Variants in DNAH7 observed in about 807,000 individuals in gnomAD.
DNAH7 encodes the protein axonemal beta dynein heavy chain 7.
In DNAH7, 397 loss-of-function variants were observed where a neutral mutation model predicts 444.6. The ratio of observed to expected loss-of-function variants is 0.89; its 90% CI spans 0.82 to 0.97. The LOEUF (loss-of-function observed/expected upper bound fraction) is 0.97, where lower values mean the gene tolerates loss of function less well. Ranked by LOEUF, DNAH7 falls within the 50% of genes least tolerant of loss-of-function variation. The pLI is 0.00. For synonymous variants in DNAH7, 1,636 were observed against 1,624.4 expected (o/e 1.01, Z -0.17); for missense variants, 4,902 against 4,800.8 (o/e 1.02, Z -0.62).
At position 196,019,268 on chromosome 2, in the gene DNAH7, C is replaced by A; in HGVS notation, c.771G>T (p.Arg257Ser). The A allele has an allele frequency of 6.7e-7, 1 of 1,498,488 alleles. No individual in the cohort carries two copies. Among genetic ancestry groups the A allele is most frequent in the Non-Finnish European group, 9.0e-7 (1 of 1,108,682 alleles). 92.8% of individuals were successfully genotyped at this position (1,498,488 alleles called of 1,614,324 possible). A position where few individuals can be genotyped will look rare whatever the true frequency, so the allele number is the denominator to read the frequency against. The change falls in exon 9 of 65, where the codon AGG (arginine) becomes AGT (serine). Residue 257 changes from arginine to serine, a missense_variant. Arg to Ser is a moderately radical substitution (Grantham distance 110). Transcript: ENST00000312428. ...AEMEILPKPW[R>S]KSFLAASSYI... ...AACTGCTTGCAGCTAAAAAAGATTT[C>A]CTCCAAGGTTTTGGCAGAATTTCCA...
rs188351942 is a variant in DNAH7 at position 195,934,844 on chromosome 2, C to A, written c.3273-55G>T. The A allele has an allele frequency of 5.7e-6, 9 of 1,571,514 alleles. No individual in the cohort carries two copies. The East Asian group carries it at 2.0e-4, about 36-fold the overall frequency. On this transcript the variant is annotated intron_variant, in intron 20 of 64. Coordinates refer to ENST00000312428, the MANE Select transcript of DNAH7 (RefSeq NM_018897.3). Reference sequence around the variant, plus strand: ...AACCAAGTTAAAACAATTCTTTACACTCCAGAGTTCTTCGTTTAAAGTTCA... The same window carrying A: ...AACCAAGTTAAAACAATTCTTTACAATCCAGAGTTCTTCGTTTAAAGTTCA...
chr2:196,064,348 T>TA (rs377755167), intron 1 of DNAH7, among the ~76,000 whole-genome samples: 4,935 of 33,910 alleles, frequency 0.15, 220 homozygotes, highest in East Asian at 0.27. Context: ...AATAAATAAA[T>TA]AATAAATAAT....
intron 12 of DNAH7, among the ~76,000 whole-genome samples, chr2:195,990,932 C>T (rs1008183445): frequency 1.1e-4 from 15 of 142,170 alleles, no homozygotes; most frequent in Non-Finnish European, 1.8e-4. Context: ...CATATATATA[C>T]TTAAATATAT....
intron 19 of DNAH7, among the ~76,000 whole-genome samples, chr2:195,956,643 T>G (rs930064760): frequency 7.6e-6 from 1 of 132,366 alleles, no homozygotes. Context: ...AGAGCGAGAC[T>G]CTGTCTCAAA....
intron 42 of DNAH7, among the ~76,000 whole-genome samples, chr2:195,860,385 AG>A (rs1197206004): frequency 6.6e-6 from 1 of 152,178 alleles, no homozygotes; most frequent in Non-Finnish European, 1.5e-5. Flanking sequence ...ATTATGTTAA[AG>A]ATCATAAGCT....
chr2:195,987,743 A>C (rs890178586), intron 13 of DNAH7, among the ~76,000 whole-genome samples: 1 of 152,132 alleles, frequency 6.6e-6, no homozygotes, highest in Non-Finnish European at 1.5e-5. Flanking sequence ...TTGCGGTAGT[A>C]GAGTCTCAGC....
Position 195,855,873 on chromosome 2 carries a change from G to A in DNAH7, c.8533C>T (p.Leu2845=), listed in dbSNP as rs372497494. Reference sequence around the variant, plus strand: ...TCAAGTGTGTCTTGAAGCCTGGCCAGCTTGTCCTGAACTTCCTTAAGGGCT... The same window carrying A: ...TCAAGTGTGTCTTGAAGCCTGGCCAACTTGTCCTGAACTTCCTTAAGGGCT... ...QAALKEVQDK[L]ARLQDTLELN... is the part of the protein sequence containing the mutation. The change falls in exon 45 of 65, where the codon CTG becomes TTG. Residue 2845 remains leucine, a synonymous_variant. Coordinates refer to ENST00000312428, the MANE Select transcript of DNAH7 (RefSeq NM_018897.3). 14 of 1,613,900 alleles carry A rather than the reference G, an allele frequency of 8.7e-6. No homozygotes were observed. In the African/African-American group the frequency reaches 1.1e-4, roughly 12 times the overall value.
intron 63 of DNAH7, among the ~76,000 whole-genome samples, chr2:195,750,546 A>T (rs1693735416): frequency 6.6e-6 from 1 of 152,224 alleles, no homozygotes; most frequent in African/African-American, 2.4e-5. Context: ...TTCGTTGAGA[A>T]ATGTGATGTT....
chr2:195,839,820 A>C (rs1698574635), intron 47 of DNAH7, among the ~76,000 whole-genome samples: 1 of 151,814 alleles, frequency 6.6e-6, no homozygotes, highest in Non-Finnish European at 1.5e-5. Flanking sequence ...TTAGGAAGAA[A>C]TAGATCACCT....
chr2:195,949,992 G>C (rs1690110581), intron 19 of DNAH7, among the ~76,000 whole-genome samples: 1 of 152,184 alleles, frequency 6.6e-6, no homozygotes, highest in South Asian at 2.1e-4. Flanking sequence ...TGTGCTGCTA[G>C]ATTTGGTTTG....
At chr2:196,051,865 A>G (rs1444955747) in intron 2 of DNAH7, among the ~76,000 whole-genome samples, 1 of 152,198 alleles carries the variant, frequency 6.6e-6, no homozygotes, top group African/African-American at 2.4e-5. Context: ...TGCCAGTGCC[A>G]ATAAACTTTC....
chr2:195,782,571 A>G (rs1451037729), intron 58 of DNAH7, among the ~76,000 whole-genome samples: 1 of 152,208 alleles, frequency 6.6e-6, no homozygotes, highest in East Asian at 1.9e-4. Context: ...AGAACCACAG[A>G]AAAACGTGTA....
intron 54 of DNAH7, among the ~76,000 whole-genome samples, chr2:195,803,160 AC>A (rs1461775010): frequency 3.3e-5 from 5 of 152,214 alleles, no homozygotes; most frequent in Non-Finnish European, 7.3e-5. Context: ...AAAAAACCCC[AC>A]TTTTTCCGTA....
chr2:196,020,612 GTT>G lies in DNAH7; in HGVS notation c.744-1319_744-1318del, dbSNP rs201513142. Among the ~76,000 whole-genome samples, 227 of 133,642 alleles carry G rather than the reference GTT, an allele frequency of 1.7e-3. 3 individuals carry two copies. The highest frequency in any genetic ancestry group is 5.7e-3 in the African/African-American group (210 of 36,536). 87.7% of individuals were successfully genotyped at this position (133,642 alleles called of 152,430 possible). On this transcript the variant is annotated intron_variant, in intron 8 of 64. Coordinates refer to ENST00000312428, the MANE Select transcript of DNAH7 (RefSeq NM_018897.3). ...GAATGGGGAATAATTTGGGGCTTTT[GTT>G]TTTTTTTTTTTTTTGAGATGGAGTC...
At chr2:195,776,606 ATTC>A (rs1320816911) in intron 59 of DNAH7, among the ~76,000 whole-genome samples, 1 of 152,048 alleles carries the variant, frequency 6.6e-6, no homozygotes, top group Non-Finnish European at 1.5e-5. Context: ...GCTGATGATT[ATTC>A]TTATCACAAT....
chr2:195,955,399 C>A (rs1046172203), intron 19 of DNAH7, among the ~76,000 whole-genome samples: 2 of 152,096 alleles, frequency 1.3e-5, no homozygotes, highest in Non-Finnish European at 2.9e-5. Context: ...TGTTTTGGTA[C>A]CAGTACCATG....
At chr2:195,878,416 C>G (rs766164786) in intron 36 of DNAH7, among the ~76,000 whole-genome samples, 1 of 151,702 alleles carries the variant, frequency 6.6e-6, no homozygotes, top group Non-Finnish European at 1.5e-5. Context: ...AGATCAGCCT[C>G]GGCCACATAG....
intron 57 of DNAH7, among the ~76,000 whole-genome samples, chr2:195,793,505 T>A (rs572255733): frequency 1.3e-5 from 2 of 152,264 alleles, no homozygotes; most frequent in Non-Finnish European, 2.9e-5. Context: ...TCATCATCTA[T>A]CTGGGAGTAA....
At chr2:196,046,826 A>G (rs963879434) in intron 5 of DNAH7, among the ~76,000 whole-genome samples, 1 of 152,178 alleles carries the variant, frequency 6.6e-6, no homozygotes, top group Non-Finnish European at 1.5e-5. Context: ...AATCATAACG[A>G]AACTAAAGAG....
Sources: gnomAD v4.1 joint callset for allele counts (sites outside exome capture counted in the v4.1 genomes callset) on GRCh38, gnomAD v4.1.1 for gene constraint, MANE v1.5 for transcripts, NCBI Gene and HGNC (gene_info 2026-07-23, HGNC 2026-07-21) for gene names.